The following TOX variants were observed in gnomAD, a reference collection of about 807,000 sequenced individuals.
The protein encoded by TOX is thymocyte selection-associated high mobility group box protein TOX.
A neutral mutation model predicts 53.7 loss-of-function variants in TOX; 11 were observed. That is an observed-to-expected ratio of 0.20 (90% CI 0.13 to 0.34). The LOEUF (loss-of-function observed/expected upper bound fraction) is 0.34. Ranked by LOEUF, TOX falls within the 10% of genes least tolerant of loss-of-function variation. The pLI, the probability that TOX is intolerant of heterozygous loss-of-function variation, is 1.00. For synonymous variants in TOX, 225 were observed against 245.3 expected (o/e 0.92, Z 0.77); for missense variants, 570 against 664.6 (o/e 0.86, Z 1.56).
At chr8:59,049,480 T>C (rs73254493) in intron 1 of TOX, among the ~76,000 whole-genome samples, 1 of 152,336 alleles carries the variant, frequency 6.6e-6, no homozygotes, top group African/African-American at 2.4e-5. Flanking sequence ...AAAACCAATG[T>C]GTTAATGATC....
intron 1 of TOX, among the ~76,000 whole-genome samples, chr8:59,009,704 A>T (rs1813864421): frequency 6.6e-6 from 1 of 152,044 alleles, no homozygotes; most frequent in Admixed American, 6.6e-5. Flanking sequence ...TCTCTCTTCC[A>T]CATTCTATGT....
At chr8:59,021,696 G>A (rs894117920) in intron 1 of TOX, among the ~76,000 whole-genome samples, 4 of 151,804 alleles carry the variant, frequency 2.6e-5, no homozygotes, top group Admixed American at 6.6e-5. Flanking sequence ...GGTGACTCCT[G>A]TTGTAGGCAC....
At chr8:58,837,175 TG>T (rs1810560787) in intron 5 of TOX, among the ~76,000 whole-genome samples, 2 of 152,220 alleles carry the variant, frequency 1.3e-5, no homozygotes. Flanking sequence ...GAGGAAAGAT[TG>T]GTGTCTCTAA....
intron 1 of TOX, among the ~76,000 whole-genome samples, chr8:59,013,800 C>G (rs933547961): frequency 6.6e-6 from 1 of 152,232 alleles, no homozygotes; most frequent in Non-Finnish European, 1.5e-5. Flanking sequence ...GATAGAAACA[C>G]TTTTATTTAA....
intron 3 of TOX, among the ~76,000 whole-genome samples, chr8:58,872,762 C>T (rs1256161626): frequency 3.3e-5 from 5 of 152,044 alleles, no homozygotes; most frequent in Non-Finnish European, 7.4e-5. Flanking sequence ...GAAGAGTCTA[C>T]TAAGACATGA....
chr8:58,902,402 C>A (rs555506967), intron 3 of TOX, among the ~76,000 whole-genome samples: 14 of 152,012 alleles, frequency 9.2e-5, no homozygotes, highest in African/African-American at 3.4e-4. Context: ...AGATGCAGGA[C>A]GGGGGGTCCT....
intron 1 of TOX, among the ~76,000 whole-genome samples, chr8:59,083,379 T>G (rs1417888910): frequency 3.3e-5 from 5 of 152,196 alleles, no homozygotes; most frequent in Non-Finnish European, 5.9e-5. Flanking sequence ...CAAAGGGTCC[T>G]CCTATCAACA....
At chr8:59,020,048 C>G (rs570777509) in intron 1 of TOX, among the ~76,000 whole-genome samples, 2,677 of 152,266 alleles carry the variant, frequency 0.018, 39 homozygotes, top group Middle Eastern at 0.092. Flanking sequence ...TGAATTTATG[C>G]CTTGCCTATG....
intron 3 of TOX, among the ~76,000 whole-genome samples, chr8:58,877,252 C>T (rs1030077092): frequency 4.0e-5 from 6 of 151,874 alleles, no homozygotes; most frequent in East Asian, 1.9e-4. Context: ...TGCAGCATTA[C>T]GTATGATTTT....
intron 2 of TOX, among the ~76,000 whole-genome samples, chr8:58,944,408 T>A (rs1448319097): frequency 6.6e-6 from 1 of 152,246 alleles, no homozygotes; most frequent in Non-Finnish European, 1.5e-5. Context: ...TTTCAAGTCA[T>A]TTTCTTAAAA....
intron 3 of TOX, among the ~76,000 whole-genome samples, chr8:58,888,631 A>G (rs933550140): frequency 6.6e-6 from 1 of 152,050 alleles, no homozygotes; most frequent in African/African-American, 2.4e-5. Flanking sequence ...AAAACAATTA[A>G]CACTAATAGA....
intron 4 of TOX, among the ~76,000 whole-genome samples, chr8:58,844,760 C>T (rs527538123): frequency 6.6e-6 from 1 of 152,192 alleles, no homozygotes; most frequent in East Asian, 1.9e-4. Context: ...CTGATTTCAC[C>T]ATCAGTTAAA....
rs1809973965 is a variant in TOX, at chr8:58,806,313, G to C, written c.*1434C>G. ...TCTGGTTACTCACCTTTCATTTTTAGATGCTTCCCTTTCACTTCTTCCAGC... is the reference window on the plus strand; with the variant it reads ...TCTGGTTACTCACCTTTCATTTTTACATGCTTCCCTTTCACTTCTTCCAGC... On this transcript the variant is annotated 3_prime_UTR_variant, in exon 9 of 9. Transcript: ENST00000361421. 6.6e-6 allele frequency: 1 copy of C among 152,054 alleles called. No individual in the cohort carries two copies. Among genetic ancestry groups the C allele is most frequent in the Non-Finnish European group, 1.5e-5 (1 of 68,022 alleles). The allele number at this position is 152,054 out of a possible 1,614,324, so 9.4% of individuals were successfully genotyped here.
chr8:59,003,713 T>C (rs774003226), intron 1 of TOX, among the ~76,000 whole-genome samples: 5 of 152,230 alleles, frequency 3.3e-5, no homozygotes, highest in Non-Finnish European at 7.3e-5. Context: ...ATAAAGTATA[T>C]GTGGACTTTC....
intron 3 of TOX, among the ~76,000 whole-genome samples, chr8:58,867,612 A>G (rs965187967): frequency 1.2e-4 from 19 of 152,220 alleles, no homozygotes; most frequent in African/African-American, 4.1e-4. Context: ...TAACATGTAC[A>G]TGAATCTTTT....
chr8:59,009,195 T>C (rs1743157189), intron 1 of TOX, among the ~76,000 whole-genome samples: 1 of 151,908 alleles, frequency 6.6e-6, no homozygotes, highest in Non-Finnish European at 1.5e-5. Context: ...TTATTCTTTT[T>C]TTTTCTTTTC....
chr8:59,118,834 C>G lies in TOX; in HGVS notation c.102+52G>C. The G allele has an allele frequency of 6.9e-7, 1 of 1,456,340 alleles. No homozygotes were observed. Among genetic ancestry groups the G allele is most frequent in the African/African-American group, 1.5e-5 (1 of 67,978 alleles). The allele number at this position is 1,456,340 out of a possible 1,614,324, so 90.2% of individuals were successfully genotyped here. ...CCGCGGCCCGGCCACCGCCGCTCCC[C>G]TCCCAGGATCAAGCAGCAAGAACAC... On this transcript the variant is annotated intron_variant, in intron 1 of 8. Transcript: ENST00000361421. The surrounding 1 kb of genome is among the most constrained non-coding windows in gnomAD (Gnocchi z 4.1).
chr8:58,927,949 C>T (rs1812193414), intron 3 of TOX, among the ~76,000 whole-genome samples: 1 of 152,214 alleles, frequency 6.6e-6, no homozygotes, highest in African/African-American at 2.4e-5. Flanking sequence ...GTACCCACCA[C>T]TCATACGGCT....
chr8:58,912,026 C>T (rs1026416167), intron 3 of TOX, among the ~76,000 whole-genome samples: 1 of 152,188 alleles, frequency 6.6e-6, no homozygotes, highest in Admixed American at 6.5e-5. Flanking sequence ...TGCAGCTCCC[C>T]CGGCTCCACC....
Sources: gnomAD v4.1 joint callset for allele counts (sites outside exome capture counted in the v4.1 genomes callset) on GRCh38, gnomAD v4.1.1 for gene constraint, Gnocchi (gnomAD v3.1) non-coding constraint, MANE v1.5 for transcripts, NCBI Gene and HGNC (gene_info 2026-07-23, HGNC 2026-07-21) for gene names.